KCNMB2: variants seen among roughly 807,000 people sequenced by gnomAD.
KCNMB2 encodes the protein calcium-activated potassium channel subunit beta-2.
Under a neutral mutation model 24.5 loss-of-function variants are expected in KCNMB2, and 9 were observed. The ratio of observed to expected loss-of-function variants is 0.37; its 90% CI spans 0.22 to 0.64. The LOEUF (loss-of-function observed/expected upper bound fraction) is 0.64. Ranked by LOEUF, KCNMB2 falls within the 30% of genes least tolerant of loss-of-function variation. KCNMB2 has a pLI of 0.63. For missense variants in KCNMB2, 226 were observed against 284.3 expected, an observed-to-expected ratio of 0.79 and a Z score of 1.47; for synonymous variants, 109 against 104.4, an observed-to-expected ratio of 1.04 and a Z score of -0.27.
At chr3:178,776,591 A>G (rs538746273) in intron 1 of KCNMB2, among the ~76,000 whole-genome samples, 50 of 152,292 alleles carry the variant, frequency 3.3e-4, no homozygotes, top group African/African-American at 1.2e-3. Flanking sequence ...ACCTTTCAAG[A>G]TAGAGCCTGG....
intron 1 of KCNMB2, among the ~76,000 whole-genome samples, chr3:178,773,951 A>G (rs1272092444): frequency 6.6e-6 from 1 of 152,208 alleles, no homozygotes; most frequent in Non-Finnish European, 1.5e-5. Context: ...CAAAGAACAA[A>G]AATGTATTTT....
intron 1 of KCNMB2, among the ~76,000 whole-genome samples, chr3:178,640,368 AAGAG>A (rs1329861000): frequency 6.6e-6 from 1 of 151,976 alleles, no homozygotes; most frequent in South Asian, 2.1e-4. Flanking sequence ...ATGGAGGAGC[AAGAG>A]AGAGAGAGCA....
chr3:178,705,718 T>A (rs1440078627), intron 1 of KCNMB2, among the ~76,000 whole-genome samples: 1 of 152,214 alleles, frequency 6.6e-6, no homozygotes, highest in Non-Finnish European at 1.5e-5. Context: ...CCTTTAAAAA[T>A]TATTGTTATT....
intron 1 of KCNMB2, among the ~76,000 whole-genome samples, chr3:178,680,033 G>A (rs79153752): frequency 0.06 from 9,156 of 151,852 alleles, 277 homozygotes; most frequent in Non-Finnish European, 0.073. Context: ...GGGAAGAATC[G>A]GCCCCAGACT....
intron 1 of KCNMB2, among the ~76,000 whole-genome samples, chr3:178,588,408 C>T (rs1392666214): frequency 6.6e-6 from 1 of 152,004 alleles, no homozygotes; most frequent in African/African-American, 2.4e-5. Context: ...AAAACTCTGC[C>T]TTAAGAGAGT....
At chr3:178,824,617 G>T in intron 2 of KCNMB2, 1 of 155,740 alleles carries the variant, frequency 6.4e-6, no homozygotes. Context: ...CTTGTGATCC[G>T]CCCGCCTCGG....
At chr3:178,775,668 A>G (rs1339352411) in intron 1 of KCNMB2, among the ~76,000 whole-genome samples, 2 of 152,232 alleles carry the variant, frequency 1.3e-5, no homozygotes, top group East Asian at 1.9e-4. Flanking sequence ...GATATAATGA[A>G]TATGGCTCTT....
chr3:178,805,632 C>CT (rs951726017), intron 1 of KCNMB2, among the ~76,000 whole-genome samples: 47 of 146,550 alleles, frequency 3.2e-4, no homozygotes, highest in South Asian at 4.4e-4. Flanking sequence ...AAATCTTTTT[C>CT]TTTTTTTTTT....
At chr3:178,680,456 A>G (rs1010469858) in intron 1 of KCNMB2, among the ~76,000 whole-genome samples, 2 of 152,120 alleles carry the variant, frequency 1.3e-5, no homozygotes, top group African/African-American at 4.8e-5. Context: ...CTTTATTTCC[A>G]AAGATTTTTG....
chr3:178,835,965 G>A (rs537565767), intron 4 of KCNMB2, among the ~76,000 whole-genome samples: 3 of 152,026 alleles, frequency 2.0e-5, no homozygotes, highest in East Asian at 1.9e-4. Flanking sequence ...AACAAATATC[G>A]CACGGATTTT....
rs1264299144 is a variant in KCNMB2 at position 178,782,554 on chromosome 3, T to C, written c.-67-24789T>C. Among the ~76,000 whole-genome samples, 355 of 147,670 alleles carry C rather than the reference T, an allele frequency of 2.4e-3. 3 individuals carry two copies. Among genetic ancestry groups the C allele is most frequent in the African/African-American group, 8.3e-3 (341 of 40,970 alleles). On this transcript the variant is annotated intron_variant, in intron 1 of 4. Transcript: ENST00000452583. Reference sequence around the variant, plus strand: ...CTCTGATGGCCAGTGATGATGAGCATTTTTTCATGTGTTTTTTGGCTGCAT... The same window carrying C: ...CTCTGATGGCCAGTGATGATGAGCACTTTTTCATGTGTTTTTTGGCTGCAT...
intron 1 of KCNMB2, among the ~76,000 whole-genome samples, chr3:178,707,359 A>G (rs929240115): frequency 6.6e-6 from 1 of 152,322 alleles, no homozygotes; most frequent in East Asian, 1.9e-4. Flanking sequence ...TACTGTCAGT[A>G]TCTGCATGCC....
At chr3:178,807,540 G>T (rs564301474) in intron 2 of KCNMB2, 75 bp downstream of exon 2, 13 of 1,267,790 alleles carry the variant, frequency 1.0e-5, no homozygotes, top group African/African-American at 2.9e-5. Context: ...TGACAGGAAA[G>T]TAGTAGGCAA....
At chr3:178,539,733 GT>G (rs998166398) in intron 1 of KCNMB2, among the ~76,000 whole-genome samples, 7 of 152,022 alleles carry the variant, frequency 4.6e-5, no homozygotes, top group Non-Finnish European at 7.4e-5. Context: ...GAGAGAGTGT[GT>G]GTGTGCGTGT....
intron 1 of KCNMB2, among the ~76,000 whole-genome samples, chr3:178,719,585 A>AGTT (rs1220138523): frequency 1.3e-5 from 2 of 152,212 alleles, no homozygotes; most frequent in Non-Finnish European, 2.9e-5. Flanking sequence ...GCTGAGGAAT[A>AGTT]GTTATAATTT....
chr3:178,802,634 A>C (rs1011326933), intron 1 of KCNMB2, among the ~76,000 whole-genome samples: 1 of 152,186 alleles, frequency 6.6e-6, no homozygotes, highest in Non-Finnish European at 1.5e-5. Flanking sequence ...TTCCAAAAAT[A>C]CATTAATGCC....
chr3:178,594,979 A>G (rs1717813599), intron 1 of KCNMB2, among the ~76,000 whole-genome samples: 1 of 150,922 alleles, frequency 6.6e-6, no homozygotes, highest in Non-Finnish European at 1.5e-5. Context: ...TAATATAGAC[A>G]TGGGCATACA....
chr3:178,541,297 C>T (rs1715607930), intron 1 of KCNMB2, among the ~76,000 whole-genome samples: 1 of 152,182 alleles, frequency 6.6e-6, no homozygotes, highest in Admixed American at 6.5e-5. Flanking sequence ...TTTCACAGAT[C>T]TCCTATACAA....
chr3:178,840,454 G>C (rs1010013060), intron 4 of KCNMB2, among the ~76,000 whole-genome samples: 1 of 152,204 alleles, frequency 6.6e-6, no homozygotes, highest in Non-Finnish European at 1.5e-5. Context: ...GATTCTGTGT[G>C]GGAACTCCAA....
Sources: gnomAD v4.1 joint callset for allele counts (sites outside exome capture counted in the v4.1 genomes callset) on GRCh38, gnomAD v4.1.1 for gene constraint, MANE v1.5 for transcripts, NCBI Gene and HGNC (gene_info 2026-07-23, HGNC 2026-07-21) for gene names.